Variants in MLKL observed in about 807,000 individuals in gnomAD.
The protein encoded by MLKL is mixed lineage kinase domain like pseudokinase.
A neutral mutation model predicts 56.5 loss-of-function variants in MLKL; 55 were observed. The ratio of observed to expected loss-of-function variants is 0.97; its 90% CI spans 0.78 to 1.22. MLKL has a LOEUF of 1.22. Among genes scored for constraint, MLKL ranks in the 50% most tolerant of loss-of-function variants. The pLI is 0.00. For synonymous variants in MLKL, 251 were observed against 208.3 expected, an observed-to-expected ratio of 1.20 and a Z score of -1.76; for missense variants, 694 against 573.9, an observed-to-expected ratio of 1.21 and a Z score of -2.14.
At chr16:74,690,825 C>T (rs1960624730) in intron 4 of MLKL, among the ~76,000 whole-genome samples, 1 of 137,354 alleles carries the variant, frequency 7.3e-6, no homozygotes, top group Non-Finnish European at 1.6e-5. Context: ...AAATGTGGAT[C>T]TTCACCATGG....
chr16:74,690,845 A>G (rs1450773325), intron 4 of MLKL, among the ~76,000 whole-genome samples: 3 of 151,364 alleles, frequency 2.0e-5, no homozygotes, highest in South Asian at 4.2e-4. Flanking sequence ...GATGGCAGAC[A>G]GAAATTAAGG....
chr16:74,686,641 A>G (rs1197663373), intron 4 of MLKL, among the ~76,000 whole-genome samples: 2 of 152,176 alleles, frequency 1.3e-5, no homozygotes, highest in Non-Finnish European at 2.9e-5. Context: ...AATTCCTTCC[A>G]AAACGTGGGC....
At chr16:74,672,973 A>G (rs577550114) in intron 10 of MLKL, among the ~76,000 whole-genome samples, 1 of 152,332 alleles carries the variant, frequency 6.6e-6, no homozygotes, top group African/African-American at 2.4e-5. Flanking sequence ...TGGTGAAGAG[A>G]AAGTTTCAGA....
intron 6 of MLKL, among the ~76,000 whole-genome samples, chr16:74,679,967 G>T (rs1328457466): frequency 1.3e-5 from 2 of 152,198 alleles, no homozygotes; most frequent in African/African-American, 4.8e-5. Context: ...AGGTGGTCTC[G>T]CGGAGACCTG....
Position 74,672,503 on chromosome 16 carries a change from A to C in MLKL, c.*1T>G. 6.2e-7 allele frequency: 1 copy of C among 1,613,562 alleles called. No individual in the cohort carries two copies. The highest frequency in any genetic ancestry group is 1.1e-5 in the South Asian group (1 of 91,068). On this transcript the variant is annotated 3_prime_UTR_variant, in exon 11 of 11. Transcript: ENST00000308807. ...GACTCCTTGGTTTAGATTTTGATACACTACTTAGAAAAGGTGGAGAGTTTC... is the reference window on the plus strand; with the variant it reads ...GACTCCTTGGTTTAGATTTTGATACCCTACTTAGAAAAGGTGGAGAGTTTC...
At chr16:74,682,897 C>G in intron 5 of MLKL, 111 bp from the exon 6 acceptor site, 1 of 1,263,942 alleles carries the variant, frequency 7.9e-7, no homozygotes, top group Non-Finnish European at 1.1e-6. Flanking sequence ...TCTGCTGAGT[C>G]CCATTTCTCC....
At chr16:74,676,560 G>T in intron 7 of MLKL, 1 of 772,276 alleles carries the variant, frequency 1.3e-6, no homozygotes, top group Non-Finnish European at 1.6e-6. Context: ...GGATACCAGG[G>T]ATGAAAGGTG....
chr16:74,696,450 A>AT (rs997291380), intron 1 of MLKL, among the ~76,000 whole-genome samples: 1 of 151,672 alleles, frequency 6.6e-6, no homozygotes, highest in African/African-American at 2.4e-5. Context: ...ACTATCTTTC[A>AT]TTTTTCCTAC....
rs113168848 is a variant in MLKL, at chr16:74,689,304, C to T, written c.722+1973G>A. Among the ~76,000 whole-genome samples, 1,447 of 151,890 alleles carry T rather than the reference C, an allele frequency of 9.5e-3. 23 individuals carry two copies. Among genetic ancestry groups the T allele is most frequent in the African/African-American group, 0.033 (1,373 of 41,448 alleles). On this transcript the variant is annotated intron_variant, in intron 4 of 10. Coordinates refer to ENST00000308807, the MANE Select transcript of MLKL (RefSeq NM_152649.4). ...TAATTTTTGTATTTTTTAGTAGAGA[C>T]GGGGTTTCACCATGTTGGCCAGGCT... is the stretch of plus-strand genomic sequence containing the variant.
chr16:74,683,139 T>A (rs1192953063), intron 5 of MLKL, among the ~76,000 whole-genome samples: 1 of 152,040 alleles, frequency 6.6e-6, no homozygotes, highest in Non-Finnish European at 1.5e-5. Flanking sequence ...TGAAACCATG[T>A]CTCTACTAAA....
At chr16:74,697,656 G>A (rs1430154372) in intron 1 of MLKL, among the ~76,000 whole-genome samples, 1 of 151,694 alleles carries the variant, frequency 6.6e-6, no homozygotes, top group Non-Finnish European at 1.5e-5. Flanking sequence ...AACACAGCGA[G>A]ACCCATCTCT....
chr16:74,695,942 G>A (rs1961012335), intron 1 of MLKL, among the ~76,000 whole-genome samples, 183 bp from the exon 2 acceptor site: 2 of 152,200 alleles, frequency 1.3e-5, no homozygotes, highest in Admixed American at 1.3e-4. Context: ...CAATAATAGA[G>A]TTGTAGCTGG....
chr16:74,689,125 T>C (rs1354650495), intron 4 of MLKL, among the ~76,000 whole-genome samples: 1 of 151,170 alleles, frequency 6.6e-6, no homozygotes, highest in African/African-American at 2.4e-5. Context: ...TTTTTTTCTT[T>C]TTTTTTTTTG....
intron 6 of MLKL, among the ~76,000 whole-genome samples, chr16:74,679,317 T>G (rs1597485397): frequency 1.3e-5 from 2 of 152,114 alleles, no homozygotes; most frequent in Non-Finnish European, 2.9e-5. Flanking sequence ...CATGGCTGGG[T>G]GGCTGGACCT....
At chr16:74,679,365 G>A (rs1959799184) in intron 6 of MLKL, among the ~76,000 whole-genome samples, 1 of 152,168 alleles carries the variant, frequency 6.6e-6, no homozygotes, top group Admixed American at 6.5e-5. Context: ...ATGTGAAGCT[G>A]GGGTCCCGCT....
rs554636664 is a variant in MLKL at position 74,685,534 on chromosome 16, C to A, written c.772G>T (p.Glu258Ter). 1.2e-6 allele frequency: 2 copies of A among 1,614,060 alleles called. No individual in the cohort carries two copies. The highest frequency in any genetic ancestry group is 2.2e-5 in the East Asian group (1 of 44,874). ...AATATACGCAGGATGTTGGGAGATTCGAATTTCTTCATGGTTTTGATCTCC... is the reference window on the plus strand; with the variant it reads ...AATATACGCAGGATGTTGGGAGATTAGAATTTCTTCATGGTTTTGATCTCC... ...NKEIKTMKKF[E>*]SPNILRIFGI... The change falls in exon 5 of 11, where the codon GAA becomes TAA. Residue 258 changes from glutamate (E) to a stop codon, truncating the protein, a stop_gained. Coordinates refer to ENST00000308807, the MANE Select transcript of MLKL (RefSeq NM_152649.4). LOFTEE classifies it high-confidence loss of function.
intron 6 of MLKL, among the ~76,000 whole-genome samples, chr16:74,682,071 C>T (rs1334784112): frequency 6.6e-6 from 1 of 150,458 alleles, no homozygotes; most frequent in South Asian, 2.2e-4. Context: ...CATGGCAAAA[C>T]CTTATCTCTA....
At chr16:74,697,971 T>G (rs1482519800) in intron 1 of MLKL, among the ~76,000 whole-genome samples, 3 of 152,204 alleles carry the variant, frequency 2.0e-5, no homozygotes, top group African/African-American at 7.2e-5. Flanking sequence ...TTTGTGAGGC[T>G]GAGGCCAGGG....
chr16:74,692,489 A>G (rs1960734842), intron 2 of MLKL, 73 bp from the exon 3 acceptor site: 1 of 1,229,918 alleles, frequency 8.1e-7, no homozygotes, highest in South Asian at 1.3e-5. Flanking sequence ...TAAAATGCTA[A>G]TTAAAACTGT....
Sources: gnomAD v4.1 joint callset for allele counts (sites outside exome capture counted in the v4.1 genomes callset) on GRCh38, gnomAD v4.1.1 for gene constraint, MANE v1.5 for transcripts, NCBI Gene and HGNC (gene_info 2026-07-23, HGNC 2026-07-21) for gene names.